Variants in SLC39A11 observed in about 807,000 individuals in gnomAD.
SLC39A11 encodes the protein zinc transporter ZIP11.
In SLC39A11, 33 loss-of-function variants were observed where a neutral mutation model predicts 36.1. The observed-to-expected ratio is 0.91, with a 90% CI of 0.69 to 1.22. The LOEUF (loss-of-function observed/expected upper bound fraction) is 1.22, where lower values mean the gene tolerates loss of function less well. Among genes scored for constraint, SLC39A11 ranks in the 50% most tolerant of loss-of-function variants. The probability of loss-of-function intolerance (pLI) is 0.00; values close to 1 mark genes in which losing one functional copy is unlikely to be tolerated. For synonymous variants in SLC39A11, 166 were observed against 170.3 expected, an observed-to-expected ratio of 0.97 and a Z score of 0.20; for missense variants, 432 against 430.3, an observed-to-expected ratio of 1.00 and a Z score of -0.03.
intron 3 of SLC39A11, among the ~76,000 whole-genome samples, chr17:73,055,463 A>G (rs1372771385): frequency 6.6e-6 from 1 of 150,474 alleles, no homozygotes. Flanking sequence ...AGAGGGTCTC[A>G]CTCAGTTGCC....
chr17:72,646,036 T>C lies in SLC39A11; in HGVS notation c.*1548A>G, dbSNP rs1307182963. 2.0e-5 allele frequency: 3 copies of C among 152,662 alleles called. No individual in the cohort carries two copies. Among genetic ancestry groups the C allele is most frequent in the Non-Finnish European group, 4.4e-5 (3 of 68,042 alleles). 9.5% of individuals were successfully genotyped at this position (152,662 alleles called of 1,614,324 possible). ...ACAATTTGCATTATGTAGAACTACA[T>C]ACAAAGACATAAAAATAAAACATAC... On this transcript the variant is annotated 3_prime_UTR_variant, in exon 10 of 10. Transcript: ENST00000255559.
intron 6 of SLC39A11, among the ~76,000 whole-genome samples, chr17:72,823,377 G>A (rs1249094775): frequency 6.6e-6 from 1 of 151,108 alleles, no homozygotes; most frequent in African/African-American, 2.4e-5. Flanking sequence ...CTCCTTCAGT[G>A]GGCTTTCCAG....
intron 6 of SLC39A11, among the ~76,000 whole-genome samples, chr17:72,804,196 C>A (rs2077182380): frequency 6.6e-6 from 1 of 152,162 alleles, no homozygotes; most frequent in Admixed American, 6.5e-5. Flanking sequence ...CGGGGTTTCA[C>A]CATGTTAGCC....
chr17:73,036,035 G>A (rs1030096986), intron 3 of SLC39A11, among the ~76,000 whole-genome samples: 1 of 152,096 alleles, frequency 6.6e-6, no homozygotes, highest in African/African-American at 2.4e-5. Context: ...TGAGAAGGCA[G>A]GGAAGCAACT....
At chr17:73,007,977 C>A (rs2090277081) in intron 4 of SLC39A11, among the ~76,000 whole-genome samples, 2 of 152,164 alleles carry the variant, frequency 1.3e-5, no homozygotes, top group South Asian at 4.2e-4. Context: ...GTGGCGTGAG[C>A]CTGTAGTCCC....
intron 6 of SLC39A11, among the ~76,000 whole-genome samples, chr17:72,805,335 G>A (rs2077216034): frequency 6.6e-6 from 1 of 152,132 alleles, no homozygotes; most frequent in South Asian, 2.1e-4. Flanking sequence ...GCTCAAGCTT[G>A]CCTACTCTCG....
intron 6 of SLC39A11, among the ~76,000 whole-genome samples, chr17:72,824,221 T>C (rs1474337135): frequency 1.3e-5 from 2 of 150,838 alleles, no homozygotes; most frequent in Non-Finnish European, 3.0e-5. Context: ...TCTCATGAAA[T>C]CTCATTGTTT....
intron 7 of SLC39A11, among the ~76,000 whole-genome samples, chr17:72,714,014 C>T (rs2073226964): frequency 6.6e-6 from 1 of 152,190 alleles, no homozygotes; most frequent in African/African-American, 2.4e-5. Flanking sequence ...ACCACAAAGG[C>T]CGTGCATAGA....
At chr17:72,699,936 A>G (rs759235341) in intron 7 of SLC39A11, among the ~76,000 whole-genome samples, 1 of 152,168 alleles carries the variant, frequency 6.6e-6, no homozygotes, top group Non-Finnish European at 1.5e-5. Context: ...AGAGACCCAC[A>G]CCAAAAAAAT....
rs144692715 is a variant in SLC39A11, at chr17:73,063,349, C to T, written c.147+21459G>A. On this transcript the variant is annotated intron_variant, in intron 3 of 9. Transcript: ENST00000255559. ...TATGAAATAATTACTGGAAGGCCTA[C>T]GCTGCTAATAGAACCTCATGTATCT... 1.6e-3 allele frequency among the ~76,000 whole-genome samples: 249 copies of T among 152,254 alleles called. 1 individual carries two copies. Among genetic ancestry groups the T allele is most frequent in the African/African-American group, 5.5e-3 (230 of 41,544 alleles).
rs541773919 is a variant in SLC39A11, at chr17:72,662,279, A to AGAAAGGAAGAAAGAAAAGAG, written c.672-13031_672-13012dup. Among the ~76,000 whole-genome samples, 72 of 151,512 alleles carry AGAAAGGAAGAAAGAAAAGAG rather than the reference A, an allele frequency of 4.8e-4. 1 individual carries two copies. The highest frequency in any genetic ancestry group is 1.6e-3 in the African/African-American group (67 of 40,982). ...AATGAGGCCTTTTTTTAGAAAGAAA[A>AGAAAGGAAGAAAGAAAAGAG]GAAAGGAAGAAAGAAAAGAGGAAAG... On this transcript the variant is annotated intron_variant, in intron 7 of 9. Transcript: ENST00000255559.
intron 9 of SLC39A11, among the ~76,000 whole-genome samples, chr17:72,648,259 G>A (rs1306864307): frequency 6.7e-6 from 1 of 149,884 alleles, no homozygotes; most frequent in Non-Finnish European, 1.5e-5. Context: ...GAACCTGGGG[G>A]GCGGAGGTTG....
rs527641599 is a variant in SLC39A11 at position 72,849,919 on chromosome 17, G to C, written c.431-115C>G. 23 of 1,035,098 alleles carry C rather than the reference G, an allele frequency of 2.2e-5. No individual in the cohort carries two copies. In the African/African-American group the frequency reaches 2.8e-4, roughly 13 times the overall value. 64.1% of individuals were successfully genotyped at this position (1,035,098 alleles called of 1,614,324 possible). On this transcript the variant is annotated intron_variant, in intron 5 of 9. Coordinates refer to ENST00000255559, the MANE Select transcript of SLC39A11 (RefSeq NM_139177.4). ...AGCTTCTTTTTCTTTTTTGAGACAGGGTCTTACTCTGTCACCCAGCCTGGA... is the reference window on the plus strand; with the variant it reads ...AGCTTCTTTTTCTTTTTTGAGACAGCGTCTTACTCTGTCACCCAGCCTGGA...
At chr17:73,053,147 A>G (rs927909619) in intron 3 of SLC39A11, among the ~76,000 whole-genome samples, 5 of 152,166 alleles carry the variant, frequency 3.3e-5, no homozygotes, top group Non-Finnish European at 7.4e-5. Context: ...GATTGTGCCA[A>G]TGCATTCCAG....
intron 4 of SLC39A11, among the ~76,000 whole-genome samples, chr17:72,962,253 G>A (rs2086663305): frequency 6.6e-6 from 1 of 152,150 alleles, no homozygotes; most frequent in African/African-American, 2.4e-5. Flanking sequence ...CACAAGTCCA[G>A]AGGCCTCAAA....
chr17:72,700,192 G>A (rs963640249), intron 7 of SLC39A11, among the ~76,000 whole-genome samples: 1 of 152,202 alleles, frequency 6.6e-6, no homozygotes, highest in Non-Finnish European at 1.5e-5. Context: ...GTTAAAATCC[G>A]TATTTCACAT....
intron 5 of SLC39A11, among the ~76,000 whole-genome samples, chr17:72,943,841 A>G (rs2085265160): frequency 1.3e-5 from 2 of 152,228 alleles, no homozygotes; most frequent in African/African-American, 4.8e-5. Context: ...TTTATGTAAC[A>G]AAGCTGTGAG....
chr17:72,935,409 G>A (rs1235587687), intron 5 of SLC39A11, among the ~76,000 whole-genome samples: 1 of 152,118 alleles, frequency 6.6e-6, no homozygotes, highest in Non-Finnish European at 1.5e-5. Context: ...ACTACAAGGG[G>A]CCAAGAGGCT....
At chr17:73,023,333 G>A (rs566568358) in intron 4 of SLC39A11, among the ~76,000 whole-genome samples, 2 of 152,276 alleles carry the variant, frequency 1.3e-5, no homozygotes, top group South Asian at 4.1e-4. Context: ...TAGAGATAGG[G>A]CCAGTAGAAA....
Sources: allele counts gnomAD v4.1 joint callset (sites outside exome capture counted in the v4.1 genomes callset), GRCh38; gene constraint gnomAD v4.1.1; transcripts MANE v1.5; gene names NCBI Gene and HGNC (gene_info 2026-07-23, HGNC 2026-07-21).